TASP1: variants seen among roughly 807,000 people sequenced by gnomAD.
TASP1 encodes threonine aspartase 1.
TASP1 carries 16 observed loss-of-function variants against 56.6 expected under a neutral mutation model. That is an observed-to-expected ratio of 0.28 (90% CI 0.19 to 0.43). TASP1 has a LOEUF of 0.43. Ranked by LOEUF, TASP1 falls within the 20% of genes least tolerant of loss-of-function variation. The pLI is 1.00. For synonymous variants in TASP1, 179 were observed against 184.2 expected (o/e 0.97, Z 0.23); for missense variants, 393 against 511.6 (o/e 0.77, Z 2.24).
At chr20:13,179,775 C>T in the TASP1 span, among the ~76,000 whole-genome samples, 4 of 152,286 alleles carry the variant, frequency 2.6e-5, no homozygotes, top group South Asian at 2.1e-4. Flanking sequence ...CTGTTTACCC[C>T]GGAGAGTCTG....
the TASP1 span, among the ~76,000 whole-genome samples, chr20:13,360,067 C>T: frequency 6.6e-6 from 1 of 152,120 alleles, no homozygotes; most frequent in African/African-American, 2.4e-5. Context: ...CCAGACAAGC[C>T]TTACAACTTA....
At chr20:13,212,818 C>T in the TASP1 span, among the ~76,000 whole-genome samples, 1 of 152,180 alleles carries the variant, frequency 6.6e-6, no homozygotes, top group Admixed American at 6.5e-5. Context: ...CTCTACAAAG[C>T]TATTTCTCAT....
At chr20:13,223,177 T>A in the TASP1 span, among the ~76,000 whole-genome samples, 3 of 146,734 alleles carry the variant, frequency 2.0e-5, no homozygotes, top group African/African-American at 5.2e-5. Flanking sequence ...TAAAATAAAA[T>A]AAAATAAAAT....
the TASP1 span, among the ~76,000 whole-genome samples, chr20:13,325,529 T>G: frequency 4.6e-5 from 7 of 152,296 alleles, no homozygotes; most frequent in South Asian, 1.5e-3. Context: ...TATTCACCTT[T>G]CCCCAACTTG....
intron 8 of TASP1, among the ~76,000 whole-genome samples, chr20:13,535,492 C>T (rs1452586816): frequency 6.6e-6 from 1 of 152,116 alleles, no homozygotes; most frequent in Non-Finnish European, 1.5e-5. Flanking sequence ...GCTGAACTGG[C>T]TGAAATGAAT....
chr20:13,127,004 G>A, the TASP1 span, among the ~76,000 whole-genome samples: 8 of 152,236 alleles, frequency 5.3e-5, no homozygotes, highest in East Asian at 3.9e-4. Context: ...GTGTGTGCGC[G>A]CACGTGAGCG....
At chr20:13,539,479 G>A (rs2045540823) in intron 8 of TASP1, among the ~76,000 whole-genome samples, 2 of 152,160 alleles carry the variant, frequency 1.3e-5, no homozygotes, top group African/African-American at 4.8e-5. Flanking sequence ...GTGCCCAGGA[G>A]TGCAAGGCTA....
the TASP1 span, among the ~76,000 whole-genome samples, chr20:13,377,017 C>A: frequency 6.6e-6 from 1 of 152,224 alleles, no homozygotes; most frequent in East Asian, 1.9e-4. Context: ...ATGTCATCTG[C>A]AAACAGAGAT....
chr20:13,567,089 T>C (rs1182297370), intron 7 of TASP1, among the ~76,000 whole-genome samples: 1 of 152,114 alleles, frequency 6.6e-6, no homozygotes, highest in South Asian at 2.1e-4. Flanking sequence ...TGGAATACTA[T>C]GCAGCCATAA....
the TASP1 span, among the ~76,000 whole-genome samples, chr20:13,193,154 T>A: frequency 6.6e-6 from 1 of 151,806 alleles, no homozygotes; most frequent in Non-Finnish European, 1.5e-5. Flanking sequence ...AATGCTTAAT[T>A]AAAACCAAAA....
the TASP1 span, among the ~76,000 whole-genome samples, chr20:13,212,242 G>T: frequency 1.3e-5 from 2 of 152,240 alleles, no homozygotes; most frequent in South Asian, 4.1e-4. Context: ...CTTCACTTGT[G>T]TGCTATATGA....
chr20:13,350,858 T>G, the TASP1 span, among the ~76,000 whole-genome samples: 1 of 151,632 alleles, frequency 6.6e-6, no homozygotes, highest in Admixed American at 6.6e-5. Context: ...TACCACCACA[T>G]CCAGCTAATT....
the TASP1 span, among the ~76,000 whole-genome samples, chr20:13,303,567 A>T: frequency 6.6e-6 from 1 of 152,192 alleles, no homozygotes; most frequent in Non-Finnish European, 1.5e-5. Flanking sequence ...AGGTTCCAGC[A>T]CTGCACCTGG....
chr20:13,338,332 T>A, the TASP1 span, among the ~76,000 whole-genome samples: 13,500 of 152,218 alleles, frequency 0.089, 901 homozygotes, highest in African/African-American at 0.18. Flanking sequence ...GAAGACCAGA[T>A]GTCACTTTCA....
the TASP1 span, among the ~76,000 whole-genome samples, chr20:13,292,198 A>G: frequency 6.6e-6 from 1 of 152,114 alleles, no homozygotes; most frequent in African/African-American, 2.4e-5. Context: ...GTTTTAATAT[A>G]GTTTCTGCAC....
At chr20:13,558,086 T>G (rs1478810885) in intron 8 of TASP1, among the ~76,000 whole-genome samples, 1 of 152,052 alleles carries the variant, frequency 6.6e-6, no homozygotes, top group Non-Finnish European at 1.5e-5. Context: ...CAAGAAAATA[T>G]CTATCACTAC....
At chr20:13,193,911 A>T in the TASP1 span, among the ~76,000 whole-genome samples, 1 of 152,186 alleles carries the variant, frequency 6.6e-6, no homozygotes, top group African/African-American at 2.4e-5. Context: ...ACTTCTGTTT[A>T]CATCTTATTG....
At chr20:13,636,570 C>T (rs112609326) in intron 1 of TASP1, among the ~76,000 whole-genome samples, 67 of 152,106 alleles carry the variant, frequency 4.4e-4, no homozygotes, top group African/African-American at 1.5e-3. Flanking sequence ...TCTGAGAAAA[C>T]TTTCTACCAA....
At chr20:13,442,275 C>CACACAGACACAG (rs553571786) in intron 11 of TASP1, among the ~76,000 whole-genome samples, 1 of 151,178 alleles carries the variant, frequency 6.6e-6, no homozygotes, top group African/African-American at 2.5e-5. Context: ...CATACACAGA[C>CACACAGACACAG]ACACAGACAC....
Sources: gnomAD v4.1 joint callset for allele counts (sites outside exome capture counted in the v4.1 genomes callset) on GRCh38, gnomAD v4.1.1 for gene constraint, MANE v1.5 for transcripts, NCBI Gene and HGNC (gene_info 2026-07-23, HGNC 2026-07-21) for gene names.